Variants in ASF1B observed in about 807,000 individuals in gnomAD.
The protein encoded by ASF1B is histone chaperone ASF1B.
A neutral mutation model predicts 16.6 loss-of-function variants in ASF1B; 10 were observed. That is an observed-to-expected ratio of 0.60 (90% CI 0.37 to 1.02). The LOEUF (loss-of-function observed/expected upper bound fraction) is 1.02. ASF1B is among the 50% of genes least tolerant of loss of function. The probability of loss-of-function intolerance (pLI) is 0.01; values close to 1 mark genes in which losing one functional copy is unlikely to be tolerated. For synonymous variants in ASF1B, 101 were observed against 106.2 expected (o/e 0.95, Z 0.30); for missense variants, 240 against 266.0 (o/e 0.90, Z 0.68).
At chr19:14,129,941 G>C (rs562609083) in intron 1 of ASF1B, among the ~76,000 whole-genome samples, 1 of 149,370 alleles carries the variant, frequency 6.7e-6, no homozygotes, top group Admixed American at 6.7e-5. Flanking sequence ...GGAGGCTGAG[G>C]TTGCAGTGAA....
intron 1 of ASF1B, among the ~76,000 whole-genome samples, chr19:14,133,729 A>G (rs1419235447): frequency 2.0e-5 from 3 of 152,040 alleles, no homozygotes; most frequent in African/African-American, 7.3e-5. Context: ...AATTCTATAA[A>G]TAAGTTAGTA....
Position 14,136,568 on chromosome 19 carries a change from T to C in ASF1B, c.-112A>G. Reference sequence around the variant, plus strand: ...GGCTGACCAGGTCCACTCCCGCCTCTTCTCTCCGAGAACTGAAGTGCGCAC... The same window carrying C: ...GGCTGACCAGGTCCACTCCCGCCTCCTCTCTCCGAGAACTGAAGTGCGCAC... On this transcript the variant is annotated 5_prime_UTR_variant, in exon 1 of 4. Transcript: ENST00000263382. The C allele has an allele frequency of 2.5e-6, 2 of 806,662 alleles. No individual in the cohort carries two copies. The highest frequency in any genetic ancestry group is 3.8e-6 in the Non-Finnish European group (2 of 521,932). The allele number at this position is 806,662 out of a possible 1,614,324, so 50.0% of individuals were successfully genotyped here. A position where few individuals can be genotyped will look rare whatever the true frequency, so the allele number is the denominator to read the frequency against.
chr19:14,122,183 G>A (rs913693775), intron 2 of ASF1B, among the ~76,000 whole-genome samples: 1 of 151,884 alleles, frequency 6.6e-6, no homozygotes, highest in African/African-American at 2.4e-5. Flanking sequence ...CACCCGTCTT[G>A]GACTCCTAAA....
At chr19:14,133,150 A>AAAT (rs539390933) in intron 1 of ASF1B, among the ~76,000 whole-genome samples, 2 of 146,752 alleles carry the variant, frequency 1.4e-5, no homozygotes, top group Non-Finnish European at 3.0e-5. Flanking sequence ...ATAAATAAAT[A>AAAT]AATAATAATA....
intron 3 of ASF1B, 37 bp downstream of exon 3, chr19:14,121,495 G>A (rs759173806): frequency 8.6e-5 from 137 of 1,597,728 alleles, no homozygotes; most frequent in Admixed American, 1.4e-4. Flanking sequence ...TATAAAGAAC[G>A]GCCTTGTGGG....
At chr19:14,121,275 A>AT (rs71170594) in intron 3 of ASF1B, 23,148 of 297,798 alleles carry the variant, frequency 0.078, 667 homozygotes, top group Admixed American at 0.13. Flanking sequence ...TGTCTGGCTC[A>AT]TTTTTTTTTT....
At chr19:14,125,791 A>G (rs1435477266) in intron 2 of ASF1B, among the ~76,000 whole-genome samples, 1 of 151,906 alleles carries the variant, frequency 6.6e-6, no homozygotes, top group African/African-American at 2.4e-5. Flanking sequence ...GGCCTCAAGC[A>G]ATCCTCCCAC....
At position 14,121,664 on chromosome 19, in the gene ASF1B, C is replaced by G. The variant is rs2144508431; in HGVS notation, c.270G>C (p.Val90=). 3 of 1,613,984 alleles carry G rather than the reference C, an allele frequency of 1.9e-6. No homozygotes were observed. The South Asian group carries it at 3.3e-5, about 18-fold the overall frequency. Residue 90 remains valine (V), a synonymous_variant, in exon 3 of 4, where the codon GTG becomes GTC. Transcript: ENST00000263382. ...AGGTGATGAGGACCACAGTCACACC[C>G]ACGGCATCAGTCTCTGGGATGAGGG... is the stretch of plus-strand genomic sequence containing the variant. ...NPSLIPETDA[V]GVTVVLITCT... is the part of the protein sequence containing the mutation.
chr19:14,131,090 C>T (rs1967397102), intron 1 of ASF1B, among the ~76,000 whole-genome samples: 1 of 151,822 alleles, frequency 6.6e-6, no homozygotes, highest in Non-Finnish European at 1.5e-5. Flanking sequence ...ATTGGCCAGG[C>T]TGGTCTCAAA....
At chr19:14,130,580 T>A (rs1349289046) in intron 1 of ASF1B, among the ~76,000 whole-genome samples, 1 of 151,602 alleles carries the variant, frequency 6.6e-6, no homozygotes, top group Non-Finnish European at 1.5e-5. Context: ...CTAAATATAA[T>A]CTTTCTTTAG....
chr19:14,120,639 G>T lies in ASF1B; in HGVS notation c.429C>A (p.Asn143Lys). The T allele has an allele frequency of 6.2e-7, 1 of 1,614,078 alleles. No homozygotes were observed. The highest frequency in any genetic ancestry group is 2.2e-5 in the East Asian group (1 of 44,874). The change falls in exon 4 of 4, where the codon AAC becomes AAA. Residue 143 changes from asparagine (N) to lysine (K), a missense_variant. Physicochemically the swap from Asn to Lys is moderately conservative, Grantham distance 94. Coordinates refer to ENST00000263382, the MANE Select transcript of ASF1B (RefSeq NM_018154.3). ...SQLQRNILAS[N>K]PRVTRFHINW... is the part of the protein sequence containing the mutation. Reference sequence around the variant, plus strand: ...TGATATGGAAGCGGGTCACCCGGGGGTTCGAGGCCAAGATGTTCCGCTGGA... The same window carrying T: ...TGATATGGAAGCGGGTCACCCGGGGTTTCGAGGCCAAGATGTTCCGCTGGA...
At chr19:14,125,294 A>T (rs913433213) in intron 2 of ASF1B, among the ~76,000 whole-genome samples, 4 of 151,346 alleles carry the variant, frequency 2.6e-5, no homozygotes, top group Admixed American at 2.6e-4. Flanking sequence ...AAACACACAT[A>T]CAAGTTTACG....
rs755471216 is a variant in ASF1B, at chr19:14,136,482, G to A, written c.-26C>T. 6 of 1,606,074 alleles carry A rather than the reference G, an allele frequency of 3.7e-6. No homozygotes were observed. The South Asian group carries it at 6.6e-5, about 18-fold the overall frequency. On this transcript the variant is annotated 5_prime_UTR_variant, in exon 1 of 4. Coordinates refer to ENST00000263382, the MANE Select transcript of ASF1B (RefSeq NM_018154.3). ...CGCCTCGCCTCGCCGCGCCGCAGCA[G>A]GGGCAGGGGCTGTGGCTGTGGCGGA...
In ASF1B at chr19:14,120,426, C is replaced by T. The variant is rs374362551; in HGVS notation, c.*33G>A. 2.7e-5 allele frequency: 43 copies of T among 1,607,758 alleles called. No individual in the cohort carries two copies. The African/African-American group carries it at 4.7e-4, about 18-fold the overall frequency. Reference sequence around the variant, plus strand: ...CTCGCTGGGAGGCCTGGTTGCCCCTCCCGGCGTGCTGGGACACTCTGGGTT... The same window carrying T: ...CTCGCTGGGAGGCCTGGTTGCCCCTTCCGGCGTGCTGGGACACTCTGGGTT... On this transcript the variant is annotated 3_prime_UTR_variant, in exon 4 of 4. Transcript: ENST00000263382.
intron 2 of ASF1B, among the ~76,000 whole-genome samples, chr19:14,124,000 C>T (rs1967281568): frequency 6.6e-6 from 1 of 151,936 alleles, no homozygotes; most frequent in African/African-American, 2.4e-5. Context: ...CCATGTTGGC[C>T]AGGCTAGTCT....
At chr19:14,126,268 AAAT>A in intron 1 of ASF1B, 31 bp from the exon 2 acceptor site, 2 of 1,523,446 alleles carry the variant, frequency 1.3e-6, no homozygotes, top group Non-Finnish European at 1.8e-6. Context: ...TAACTAATTG[AAAT>A]AGCTCAACAG....
intron 1 of ASF1B, among the ~76,000 whole-genome samples, chr19:14,133,964 C>T (rs971687046): frequency 6.6e-6 from 1 of 151,774 alleles, no homozygotes; most frequent in Non-Finnish European, 1.5e-5. Flanking sequence ...CCACCACGCC[C>T]GGCTAATTTT....
rs1967201651 is a variant in ASF1B at position 14,119,576 on chromosome 19, T to C, written c.*883A>G. 6.6e-6 allele frequency: 1 copy of C among 152,600 alleles called. No individual in the cohort carries two copies. Among genetic ancestry groups the C allele is most frequent in the African/African-American group, 2.4e-5 (1 of 41,446 alleles). 9.5% of individuals were successfully genotyped at this position (152,600 alleles called of 1,614,324 possible). A position where few individuals can be genotyped will look rare whatever the true frequency, so the allele number is the denominator to read the frequency against. ...TTAATATAAAAACATTTTGATAATA[T>C]ACAAACAGCAATCACAACAGCATCC... On this transcript the variant is annotated 3_prime_UTR_variant, in exon 4 of 4. Coordinates refer to ENST00000263382, the MANE Select transcript of ASF1B (RefSeq NM_018154.3).
At chr19:14,125,211 C>T (rs970044704) in intron 2 of ASF1B, among the ~76,000 whole-genome samples, 3 of 152,188 alleles carry the variant, frequency 2.0e-5, no homozygotes, top group African/African-American at 7.2e-5. Context: ...AGGCGATCCA[C>T]CCACCTCAGC....
Sources: allele counts gnomAD v4.1 joint callset (sites outside exome capture counted in the v4.1 genomes callset), GRCh38; gene constraint gnomAD v4.1.1; transcripts MANE v1.5; gene names NCBI Gene and HGNC (gene_info 2026-07-23, HGNC 2026-07-21).